Variants in TCF12 observed in about 807,000 individuals in gnomAD.
The protein encoded by TCF12 is transcription factor 12.
Under a neutral mutation model 86.0 loss-of-function variants are expected in TCF12, and 45 were observed. The observed-to-expected ratio is 0.52, with a 90% CI of 0.41 to 0.67. The LOEUF is 0.67. TCF12 is among the 30% of genes least tolerant of loss of function. The pLI is 0.00. For synonymous variants in TCF12, 330 were observed against 299.6 expected, an observed-to-expected ratio of 1.10 and a Z score of -1.05; for missense variants, 881 against 859.9, an observed-to-expected ratio of 1.02 and a Z score of -0.31.
intron 3 of TCF12, among the ~76,000 whole-genome samples, chr15:57,013,640 G>A (rs2064974666): frequency 6.6e-6 from 1 of 152,148 alleles, no homozygotes; most frequent in Non-Finnish European, 1.5e-5. Flanking sequence ...TGTTTCAAAA[G>A]TCCTGTAGCT....
At chr15:57,124,734 G>C (rs1229982575) in intron 5 of TCF12, among the ~76,000 whole-genome samples, 3 of 151,760 alleles carry the variant, frequency 2.0e-5, no homozygotes, top group Admixed American at 6.6e-5. Flanking sequence ...CTGGAGTGCA[G>C]TGACGCGATC....
intron 5 of TCF12, 168 bp downstream of exon 5, chr15:57,092,059 A>G: frequency 4.0e-6 from 2 of 498,414 alleles, no homozygotes; most frequent in East Asian, 6.0e-5. Flanking sequence ...TCAAATGTCC[A>G]GAAAATTTGG....
At chr15:57,200,339 A>C (rs1246191874) in intron 8 of TCF12, among the ~76,000 whole-genome samples, 5 of 152,226 alleles carry the variant, frequency 3.3e-5, no homozygotes, top group Admixed American at 1.3e-4. Flanking sequence ...TTACCTTCTC[A>C]GGATCTAAAA....
At chr15:56,983,222 T>C (rs2062981649) in intron 3 of TCF12, among the ~76,000 whole-genome samples, 1 of 152,206 alleles carries the variant, frequency 6.6e-6, no homozygotes, top group African/African-American at 2.4e-5. Context: ...TGCTGCTGCC[T>C]GTAGTCCACT....
At chr15:57,218,980 A>G (rs2058451906) in intron 8 of TCF12, 7 of 986,186 alleles carry the variant, frequency 7.1e-6, no homozygotes, top group South Asian at 4.8e-5. Flanking sequence ...CTTGTTACAC[A>G]TGATTCAGTG....
downstream of TCF12, among the ~76,000 whole-genome samples, chr15:57,290,179 C>A (rs1175786742): frequency 1.3e-5 from 2 of 151,968 alleles, no homozygotes; most frequent in Admixed American, 6.6e-5. Flanking sequence ...CCCGTGTCTA[C>A]TAAAAGTACA....
At chr15:56,924,033 G>A (rs1198525910) in intron 3 of TCF12, among the ~76,000 whole-genome samples, 3 of 151,614 alleles carry the variant, frequency 2.0e-5, no homozygotes, top group African/African-American at 7.3e-5. Context: ...GTGGGGCGGG[G>A]GGTTATTTTT....
chr15:57,001,074 TG>T (rs1239507742), intron 3 of TCF12, among the ~76,000 whole-genome samples: 9 of 148,466 alleles, frequency 6.1e-5, no homozygotes, highest in Non-Finnish European at 1.3e-4. Context: ...TGGAGTGCAG[TG>T]GCGCGATCTC....
At position 57,148,574 on chromosome 15, in the gene TCF12, ATT is replaced by A. The variant is rs200905967; in HGVS notation, c.326-17827_326-17826del. Reference sequence around the variant, plus strand: ...AATGACAAAATACAAGTTTACAAAAATTGTTTTTTCAAAAAATGCTCAAATGG... The same window carrying A: ...AATGACAAAATACAAGTTTACAAAAAGTTTTTTCAAAAAATGCTCAAATGG... On this transcript the variant is annotated intron_variant, in intron 5 of 20. Transcript: ENST00000333725. Among the ~76,000 whole-genome samples the A allele has an allele frequency of 1.3e-3, 205 of 152,062 alleles. 4 individuals carry two copies. The East Asian group carries it at 0.038, about 28-fold the overall frequency.
At chr15:57,132,292 T>TA (rs1234428956) in intron 5 of TCF12, among the ~76,000 whole-genome samples, 2 of 152,262 alleles carry the variant, frequency 1.3e-5, no homozygotes, top group Admixed American at 1.3e-4. Context: ...GTAGAATATG[T>TA]AATCACTATT....
At chr15:57,157,550 CTTCTT>C (rs2054194793) in intron 5 of TCF12, among the ~76,000 whole-genome samples, 5 of 147,042 alleles carry the variant, frequency 3.4e-5, no homozygotes, top group Non-Finnish European at 5.9e-5. Flanking sequence ...TTATAGTTTA[CTTCTT>C]TTTTTTTTTT....
Position 57,248,833 on chromosome 15 carries a change from T to TA in TCF12, c.1115-2516dup, listed in dbSNP as rs554891501. Reference sequence around the variant, plus strand: ...TAGCACCAAAAATTATGTAGATGATTACCCAGGTAATTCAGTGTGCACATC... The same window carrying TA: ...TAGCACCAAAAATTATGTAGATGATTAACCCAGGTAATTCAGTGTGCACATC... On this transcript the variant is annotated intron_variant, in intron 13 of 20. Transcript: ENST00000333725. 1.9e-3 allele frequency among the ~76,000 whole-genome samples: 284 copies of TA among 152,348 alleles called. 1 individual carries two copies. Among genetic ancestry groups the TA allele is most frequent in the African/African-American group, 6.6e-3 (274 of 41,584 alleles).
At chr15:57,274,151 T>C (rs1433892275) in intron 19 of TCF12, among the ~76,000 whole-genome samples, 1 of 152,160 alleles carries the variant, frequency 6.6e-6, no homozygotes, top group African/African-American at 2.4e-5. Flanking sequence ...GAGCAATTCT[T>C]TCGATTTTGT....
chr15:57,151,034 A>G (rs2053714508), intron 5 of TCF12, among the ~76,000 whole-genome samples: 1 of 150,746 alleles, frequency 6.6e-6, no homozygotes, highest in South Asian at 2.1e-4. Context: ...GCTAGGGTGC[A>G]GTGGAGCGAT....
intron 12 of TCF12, among the ~76,000 whole-genome samples, chr15:57,240,337 T>A (rs1174632797): frequency 6.6e-6 from 1 of 152,182 alleles, no homozygotes; most frequent in Non-Finnish European, 1.5e-5. Flanking sequence ...AAATACAGTG[T>A]AAGCACTATG....
intron 5 of TCF12, among the ~76,000 whole-genome samples, chr15:57,143,659 A>T (rs1215302528): frequency 2.0e-5 from 3 of 152,200 alleles, no homozygotes. Context: ...AGAGAAAGGC[A>T]GACAGAGGTT....
chr15:57,215,240 C>A (rs2058284812), intron 8 of TCF12, among the ~76,000 whole-genome samples: 1 of 152,132 alleles, frequency 6.6e-6, no homozygotes, highest in Non-Finnish European at 1.5e-5. Flanking sequence ...AAATACTGCA[C>A]ATTTGAGAGA....
chr15:57,215,527 T>G (rs2058297232), intron 8 of TCF12, among the ~76,000 whole-genome samples: 1 of 152,150 alleles, frequency 6.6e-6, no homozygotes, highest in Admixed American at 6.6e-5. Context: ...TTTGATTCAC[T>G]TAGAAATAAT....
chr15:56,961,853 G>A (rs892942985), intron 3 of TCF12, among the ~76,000 whole-genome samples: 4 of 152,234 alleles, frequency 2.6e-5, no homozygotes, highest in Admixed American at 6.5e-5. Flanking sequence ...TATAAAATAT[G>A]TTTAATGGGC....
Sources: allele counts gnomAD v4.1 joint callset (sites outside exome capture counted in the v4.1 genomes callset), GRCh38; gene constraint gnomAD v4.1.1; transcripts MANE v1.5; gene names NCBI Gene and HGNC (gene_info 2026-07-23, HGNC 2026-07-21).